IRAK2: variants seen among roughly 807,000 people sequenced by gnomAD.
The protein encoded by IRAK2 is interleukin 1 receptor associated kinase 2.
A neutral mutation model predicts 72.0 loss-of-function variants in IRAK2; 57 were observed. The ratio of observed to expected loss-of-function variants is 0.79; its 90% confidence interval spans 0.64 to 0.99. IRAK2 has a LOEUF of 0.99. Among genes scored for constraint, IRAK2 ranks in the 50% least tolerant of loss-of-function variants. The pLI, the probability that IRAK2 is intolerant of heterozygous loss-of-function variation, is 0.00. For synonymous variants in IRAK2, 293 were observed against 312.7 expected (o/e 0.94, Z 0.67); for missense variants, 790 against 794.4 (o/e 0.99, Z 0.07).
At chr3:10,180,607 T>C (rs1696946348) in intron 2 of IRAK2, among the ~76,000 whole-genome samples, 1 of 152,034 alleles carries the variant, frequency 6.6e-6, no homozygotes, top group Non-Finnish European at 1.5e-5. Context: ...TGTCTGGGGT[T>C]CCTGAGCTGG....
In IRAK2 at chr3:10,209,659, G is replaced by C. The variant is rs752395909; in HGVS notation, c.495G>C (p.Leu165Phe). The C allele has an allele frequency of 1.3e-6, 2 of 1,561,748 alleles. No homozygotes were observed. The highest frequency in any genetic ancestry group is 2.4e-5 in the South Asian group (2 of 83,890). ...CTGAAGAAGATGCCCCTCATTCCTT[G>C]AGAAGCGACCTCCCCACTTCGTCTG... is the stretch of plus-strand genomic sequence containing the variant. Reference protein sequence around the residue: ...QPPEEDAPHSLRSDLPTSSDS... With the variant: ...QPPEEDAPHSFRSDLPTSSDS... The change falls in exon 4 of 13, where the codon TTG (leucine) becomes TTC (phenylalanine). Residue 165 changes from leucine (L) to phenylalanine (F), a missense_variant. Leu to Phe is a conservative substitution (Grantham distance 22, BLOSUM62 0). Transcript: ENST00000256458.
At chr3:10,217,487 A>G (rs1030561845) in intron 7 of IRAK2, among the ~76,000 whole-genome samples, 1 of 152,208 alleles carries the variant, frequency 6.6e-6, no homozygotes, top group Non-Finnish European at 1.5e-5. Context: ...ATTAAGAGGT[A>G]AAGAGTATGG....
chr3:10,192,411 C>T (rs1018724054), intron 2 of IRAK2, among the ~76,000 whole-genome samples: 1 of 152,212 alleles, frequency 6.6e-6, no homozygotes, highest in African/African-American at 2.4e-5. Context: ...GCTAGTGTGA[C>T]GGCCCAGGCC....
chr3:10,213,380 C>A lies in IRAK2; in HGVS notation c.702C>A (p.Phe234Leu). ...VYRGHRHGKP[F>L]VFKKLRETAC... ...GAGGGCACAGGCACGGGAAGCCATTCGTCTTCAAGAAGCTCAGAGAGGTGA... is the reference window on the plus strand; with the variant it reads ...GAGGGCACAGGCACGGGAAGCCATTAGTCTTCAAGAAGCTCAGAGAGGTGA... The change falls in exon 5 of 13, where the codon TTC becomes TTA. Residue 234 changes from phenylalanine (F) to leucine (L), a missense_variant. Physicochemically the swap from Phe to Leu is conservative, Grantham distance 22. Coordinates refer to ENST00000256458, the MANE Select transcript of IRAK2 (RefSeq NM_001570.4). 6.2e-7 allele frequency: 1 copy of A among 1,613,966 alleles called. No individual in the cohort carries two copies. Among genetic ancestry groups the A allele is most frequent in the Non-Finnish European group, 8.5e-7 (1 of 1,179,994 alleles).
chr3:10,169,083 C>A (rs1696749291), intron 1 of IRAK2, among the ~76,000 whole-genome samples: 1 of 152,098 alleles, frequency 6.6e-6, no homozygotes, highest in South Asian at 2.1e-4. Flanking sequence ...GTGATGGTGA[C>A]CCCGAGCCAC....
rs772783765 is a variant in IRAK2 at position 10,234,578 on chromosome 3, G to T, written c.1392G>T (p.Gly464=). The T allele has an allele frequency of 3.7e-6, 6 of 1,613,638 alleles. No homozygotes were observed. The South Asian group carries it at 6.6e-5, about 18-fold the overall frequency. ...AGAAGTACCTGGAGAAGGGCGCAGG[G>T]AGGCTTCCGGAGGACTGCGCCGAGG... ...ICQKYLEKGA[G]RLPEDCAEAL... Residue 464 remains glycine, a synonymous_variant, in exon 11 of 13, where the codon GGG becomes GGT. Coordinates refer to ENST00000256458, the MANE Select transcript of IRAK2 (RefSeq NM_001570.4).
intron 4 of IRAK2, among the ~76,000 whole-genome samples, chr3:10,212,723 A>G (rs563415101): frequency 1.3e-5 from 2 of 151,920 alleles, no homozygotes; most frequent in African/African-American, 2.4e-5. Flanking sequence ...AGAGCAAGAT[A>G]CAGATGGAGC....
chr3:10,216,295 T>C (rs927500747), intron 6 of IRAK2, among the ~76,000 whole-genome samples: 1 of 152,136 alleles, frequency 6.6e-6, no homozygotes, highest in Non-Finnish European at 1.5e-5. Flanking sequence ...TTGGGACTTG[T>C]TGAGGCTAGG....
At position 10,234,487 on chromosome 3, in the gene IRAK2, G is replaced by A. The variant is rs770238130; in HGVS notation, c.1301G>A (p.Ser434Asn). The change falls in exon 11 of 13, where the codon AGC becomes AAC. Residue 434 changes from serine (S) to asparagine (N), a missense_variant. Transcript: ENST00000256458. ...LKDLLLSDIP[S>N]STASLCSRKT... is the part of the protein sequence containing the mutation. ...GACTTACTCCTCAGTGATATTCCAA[G>A]CAGCACCGCCTCGCTCTGCTCCAGG... 3 of 1,614,120 alleles carry A rather than the reference G, an allele frequency of 1.9e-6. No individual in the cohort carries two copies. Among genetic ancestry groups the A allele is most frequent in the South Asian group, 1.1e-5 (1 of 91,088 alleles).
chr3:10,219,940 T>G (rs1697663449), intron 8 of IRAK2, 151 bp downstream of exon 8: 1 of 632,530 alleles, frequency 1.6e-6, no homozygotes, highest in African/African-American at 1.8e-5. Flanking sequence ...CTGGATGTCT[T>G]TTTCTCTGTT....
intron 7 of IRAK2, among the ~76,000 whole-genome samples, 159 bp from the exon 8 acceptor site, chr3:10,219,521 T>C (rs1178093814): frequency 6.6e-6 from 1 of 152,084 alleles, no homozygotes; most frequent in Admixed American, 6.6e-5. Flanking sequence ...GGTTTCACCG[T>C]GTTAGCCAGG....
chr3:10,241,604 T>TGTGGCTCACAGGCCGGGCGTG (rs1239990647), intron 12 of IRAK2, among the ~76,000 whole-genome samples: 4 of 139,712 alleles, frequency 2.9e-5, no homozygotes, highest in African/African-American at 5.3e-5. Context: ...GGCTGGGTGC[T>TGTGGCTCACAGGCCGGGCGTG]GTGGCTCACA....
At chr3:10,171,307 G>T (rs1369092144) in intron 1 of IRAK2, among the ~76,000 whole-genome samples, 1 of 152,148 alleles carries the variant, frequency 6.6e-6, no homozygotes, top group Non-Finnish European at 1.5e-5. Flanking sequence ...CATCAGGCAG[G>T]TGACTATCTC....
At chr3:10,231,896 G>A (rs550954663) in intron 10 of IRAK2, among the ~76,000 whole-genome samples, 3 of 152,248 alleles carry the variant, frequency 2.0e-5, no homozygotes, top group Admixed American at 2.0e-4. Flanking sequence ...GGAGGCTGAG[G>A]CAGGCGGATC....
At chr3:10,175,750 C>T (rs564301067) in intron 1 of IRAK2, among the ~76,000 whole-genome samples, 214 of 151,866 alleles carry the variant, frequency 1.4e-3, no homozygotes, top group Non-Finnish European at 2.5e-3. Flanking sequence ...ATTAGCCAGG[C>T]GTGGTGGTGG....
At chr3:10,180,835 G>C (rs1277601678) in intron 2 of IRAK2, among the ~76,000 whole-genome samples, 1 of 152,106 alleles carries the variant, frequency 6.6e-6, no homozygotes, top group African/African-American at 2.4e-5. Flanking sequence ...CTGGGCTTTT[G>C]GGGGCATTGT....
chr3:10,197,784 G>A (rs1575968118), intron 2 of IRAK2, among the ~76,000 whole-genome samples: 1 of 151,106 alleles, frequency 6.6e-6, no homozygotes, highest in African/African-American at 2.4e-5. Flanking sequence ...CCTGGGAGGC[G>A]GAGCTTGTAG....
At chr3:10,234,290 CT>C (rs1255587535) in intron 10 of IRAK2, among the ~76,000 whole-genome samples, 168 bp from the exon 11 acceptor site, 3 of 152,168 alleles carry the variant, frequency 2.0e-5, no homozygotes, top group Non-Finnish European at 4.4e-5. Flanking sequence ...TCGAATCCTT[CT>C]CCATTTCTTG....
chr3:10,166,031 C>T (rs1225059111), intron 1 of IRAK2, among the ~76,000 whole-genome samples: 2 of 151,782 alleles, frequency 1.3e-5, no homozygotes, highest in African/African-American at 4.8e-5. Flanking sequence ...GCCCGGCCTC[C>T]GGAACTCTTG....
Sources: gnomAD v4.1 joint callset for allele counts (sites outside exome capture counted in the v4.1 genomes callset) on GRCh38, gnomAD v4.1.1 for gene constraint, MANE v1.5 for transcripts, NCBI Gene and HGNC (gene_info 2026-07-23, HGNC 2026-07-21) for gene names.